The following ABL1 variants were observed in gnomAD, a reference collection of about 807,000 sequenced individuals.
ABL1 encodes tyrosine-protein kinase ABL1.
Under a neutral mutation model 94.7 loss-of-function variants are expected in ABL1, and 11 were observed. The observed-to-expected ratio is 0.12, with a 90% CI of 0.07 to 0.19. ABL1 has a LOEUF of 0.19. Ranked by LOEUF, ABL1 falls within the 10% of genes least tolerant of loss-of-function variation. The pLI is 1.00. For synonymous variants in ABL1, 656 were observed against 622.4 expected (o/e 1.05, Z -0.80); for missense variants, 1,082 against 1,489.4 (o/e 0.73, Z 4.50).
Position 130,792,086 on chromosome 9 carries a change from G to A in ABL1, c.137-61978G>A, listed in dbSNP as rs187822364. Among the ~76,000 whole-genome samples the A allele has an allele frequency of 3.6e-3, 554 of 152,176 alleles. 4 individuals carry two copies. Among genetic ancestry groups the A allele is most frequent in the Non-Finnish European group, 5.6e-3 (383 of 68,014 alleles). On this transcript the variant is annotated intron_variant, in intron 1 of 10. Coordinates refer to the ABL1 transcript ENST00000372348. ...TCAGAACCAAGCCTAGACTTAAACC[G>A]AGACAGGATGCAAGAAAGAAATCAA...
chr9:130,877,639 CTTTT>C lies in ABL1; in HGVS notation c.1271-766_1271-763del, dbSNP rs754804823. Among the ~76,000 whole-genome samples the C allele has an allele frequency of 1.4e-5, 2 of 138,416 alleles. 1 individual carries two copies. The highest frequency in any genetic ancestry group is 3.1e-5 in the Non-Finnish European group (2 of 63,772). 90.8% of individuals were successfully genotyped at this position (138,416 alleles called of 152,430 possible). Reference sequence around the variant, plus strand: ...CTGAGTCTTGTTCTGTCCTGGTCTCCTTTTTTTTTTTTTATTTTTGAGACGGGGT... The same window carrying C: ...CTGAGTCTTGTTCTGTCCTGGTCTCCTTTTTTTTTATTTTTGAGACGGGGT... On this transcript the variant is annotated intron_variant, in intron 7 of 10. Transcript: ENST00000318560.
intron 1 of ABL1, among the ~76,000 whole-genome samples, chr9:130,795,486 T>C (rs938028011): frequency 2.0e-5 from 3 of 152,202 alleles, no homozygotes; most frequent in Admixed American, 2.0e-4. Context: ...TGAATTACGT[T>C]GTGTCCAGTT....
chr9:130,873,459 C>G (rs1035591507), intron 6 of ABL1, among the ~76,000 whole-genome samples: 1 of 152,226 alleles, frequency 6.6e-6, no homozygotes, highest in Non-Finnish European at 1.5e-5. Context: ...TGCTTTTACG[C>G]AAACTCATGG....
chr9:130,750,227 A>ATATATATATCTATC lies in ABL1; in HGVS notation c.136+35782_136+35783insTATCTATATATATC, dbSNP rs1554759830. On this transcript the variant is annotated intron_variant, in intron 1 of 10. Transcript: ENST00000372348. Reference sequence around the variant, plus strand: ...TATATATATATATATATATATATATATATATATATCCAAGTATAAGTATAT... The same window carrying ATATATATATCTATC: ...TATATATATATATATATATATATATATATATATATCTATCTATATATATCCAAGTATAAGTATAT... Among the ~76,000 whole-genome samples the ATATATATATCTATC allele has an allele frequency of 2.3e-5, 3 of 132,920 alleles. No homozygotes were observed. In the South Asian group the frequency reaches 7.1e-4, roughly 31 times the overall value. The allele number at this position is 132,920 out of a possible 152,430, so 87.2% of individuals were successfully genotyped here. A position where few individuals can be genotyped will look rare whatever the true frequency, so the allele number is the denominator to read the frequency against.
chr9:130,807,619 A>G lies in ABL1; in HGVS notation c.137-46445A>G, dbSNP rs1830143280. Among the ~76,000 whole-genome samples, 3 of 149,528 alleles carry G rather than the reference A, an allele frequency of 2.0e-5. No individual in the cohort carries two copies. In the South Asian group the frequency reaches 6.3e-4, roughly 31 times the overall value. ...TCTAAGATTTTTATTATAAGTTTAAATAGTTGTAAAGGATGTATTTTCCAT... is the reference window on the plus strand; with the variant it reads ...TCTAAGATTTTTATTATAAGTTTAAGTAGTTGTAAAGGATGTATTTTCCAT... On this transcript the variant is annotated intron_variant, in intron 1 of 10. Transcript: ENST00000372348.
intron 1 of ABL1, among the ~76,000 whole-genome samples, chr9:130,789,768 A>C (rs1451439073): frequency 6.6e-6 from 1 of 152,248 alleles, no homozygotes; most frequent in Non-Finnish European, 1.5e-5. Flanking sequence ...AAAAAGCATA[A>C]TCATTGAGAT....
At chr9:130,813,426 TGGCG>T (rs1312457049) in intron 1 of ABL1, among the ~76,000 whole-genome samples, 1 of 150,412 alleles carries the variant, frequency 6.6e-6, no homozygotes, top group Non-Finnish European at 1.5e-5. Flanking sequence ...CTGGGCATGG[TGGCG>T]CTCACCTGTA....
chr9:130,778,329 CTG>C (rs1829697555), intron 1 of ABL1, among the ~76,000 whole-genome samples: 1 of 151,640 alleles, frequency 6.6e-6, no homozygotes, highest in South Asian at 2.1e-4. Flanking sequence ...ACTTTCTAGA[CTG>C]TGAGCAGGGG....
intron 1 of ABL1, among the ~76,000 whole-genome samples, chr9:130,735,959 ATATTT>A (rs1412279918): frequency 4.9e-5 from 4 of 81,764 alleles, no homozygotes; most frequent in African/African-American, 8.6e-5. Flanking sequence ...ATATATATAT[ATATTT>A]TTTTTTTTTA....
intron 1 of ABL1, among the ~76,000 whole-genome samples, chr9:130,734,643 T>G (rs1831712043): frequency 6.6e-6 from 1 of 151,722 alleles, no homozygotes; most frequent in African/African-American, 2.4e-5. Context: ...TGCCTCAGCC[T>G]CCCGAGTAGC....
At chr9:130,769,569 C>T (rs1205501065) in intron 1 of ABL1, among the ~76,000 whole-genome samples, 1 of 151,928 alleles carries the variant, frequency 6.6e-6, no homozygotes, top group East Asian at 1.9e-4. Context: ...AAACTCCTGA[C>T]CTCAGGTGAT....
chr9:130,779,707 C>G (rs754257643), intron 1 of ABL1, among the ~76,000 whole-genome samples: 1 of 152,104 alleles, frequency 6.6e-6, no homozygotes, highest in Non-Finnish European at 1.5e-5. Flanking sequence ...ACCTATATGC[C>G]ATATAAGTAA....
At chr9:130,732,125 A>G (rs1339516079) in intron 1 of ABL1, among the ~76,000 whole-genome samples, 5 of 151,860 alleles carry the variant, frequency 3.3e-5, no homozygotes, top group Non-Finnish European at 7.4e-5. Flanking sequence ...TTTTTTTAAC[A>G]GACTAGCTAC....
intron 1 of ABL1, among the ~76,000 whole-genome samples, chr9:130,785,588 A>G (rs1564289456): frequency 1.3e-5 from 2 of 151,986 alleles, no homozygotes; most frequent in East Asian, 1.9e-4. Flanking sequence ...TTCATTTGCT[A>G]CTTCTGTACC....
At chr9:130,783,690 C>G (rs2132790035) in intron 1 of ABL1, among the ~76,000 whole-genome samples, 1 of 152,160 alleles carries the variant, frequency 6.6e-6, no homozygotes, top group East Asian at 1.9e-4. Context: ...GAGTCTCGCT[C>G]TGTCGCCCAG....
intron 3 of ABL1, among the ~76,000 whole-genome samples, chr9:130,860,389 C>T (rs1831052674): frequency 1.3e-5 from 2 of 152,204 alleles, no homozygotes; most frequent in East Asian, 3.8e-4. Context: ...AAAGTTGGGC[C>T]ATTCAGTGAA....
intron 1 of ABL1, among the ~76,000 whole-genome samples, chr9:130,785,808 A>T (rs1829818197): frequency 2.0e-5 from 3 of 151,432 alleles, no homozygotes; most frequent in African/African-American, 7.3e-5. Flanking sequence ...CTGTAATCCC[A>T]CCTACTCAGG....
chr9:130,716,590 A>G (rs1831444378), intron 1 of ABL1, among the ~76,000 whole-genome samples: 1 of 152,156 alleles, frequency 6.6e-6, no homozygotes, highest in Non-Finnish European at 1.5e-5. Flanking sequence ...TGAACTAGCC[A>G]CTTTTTTCAT....
In ABL1 at chr9:130,852,579, T is replaced by C. The variant is rs539156877; in HGVS notation, c.80-1485T>C. ...ATTTCACTCCACAATGTTCTTCAAC[T>C]GTAAGATCTACTTGAGGTTATTTGA... On this transcript the variant is annotated intron_variant, in intron 1 of 10. Coordinates refer to ENST00000318560, the MANE Select transcript of ABL1 (RefSeq NM_005157.6). Among the ~76,000 whole-genome samples, 8 of 152,290 alleles carry C rather than the reference T, an allele frequency of 5.3e-5. No homozygotes were observed. The South Asian group carries it at 1.7e-3, about 32-fold the overall frequency.
Sources: allele counts gnomAD v4.1 joint callset (sites outside exome capture counted in the v4.1 genomes callset), GRCh38; gene constraint gnomAD v4.1.1; transcripts MANE v1.5; gene names NCBI Gene and HGNC (gene_info 2026-07-23, HGNC 2026-07-21).